SLC8A1: variants seen among roughly 807,000 people sequenced by gnomAD.
The protein encoded by SLC8A1 is solute carrier family 8 member A1, also known as sodium/calcium exchanger 1.
A neutral mutation model predicts 68.3 loss-of-function variants in SLC8A1; 18 were observed. That is an observed-to-expected ratio of 0.26 (90% CI 0.18 to 0.39). SLC8A1 has a LOEUF of 0.39. Among genes scored for constraint, SLC8A1 ranks in the 10% least tolerant of loss-of-function variants. SLC8A1 has a pLI of 1.00. For synonymous variants in SLC8A1, 475 were observed against 415.5 expected (o/e 1.14, Z -1.74); for missense variants, 985 against 1,156.7 (o/e 0.85, Z 2.15).
chr2:40,464,554 T>G (rs1048694011), intron 1 of SLC8A1, among the ~76,000 whole-genome samples: 1 of 152,234 alleles, frequency 6.6e-6, no homozygotes, highest in Non-Finnish European at 1.5e-5. Flanking sequence ...GGCATCTGTT[T>G]CCCAATCTTA....
chr2:40,146,364 A>T (rs2042460998), intron 6 of SLC8A1, among the ~76,000 whole-genome samples: 1 of 152,042 alleles, frequency 6.6e-6, no homozygotes, highest in African/African-American at 2.4e-5. Flanking sequence ...TAATCTCACA[A>T]TCCAGGTTTA....
At chr2:40,507,061 T>C (rs1706415578) in intron 1 of SLC8A1, among the ~76,000 whole-genome samples, 1 of 152,040 alleles carries the variant, frequency 6.6e-6, no homozygotes, top group Non-Finnish European at 1.5e-5. Flanking sequence ...AAAGGTCATA[T>C]GCTCATAAGC....
chr2:40,469,108 G>A (rs1281010022), intron 1 of SLC8A1, among the ~76,000 whole-genome samples: 1 of 152,106 alleles, frequency 6.6e-6, no homozygotes, highest in East Asian at 1.9e-4. Flanking sequence ...CATTAACAGT[G>A]TGTGTGCAGT....
intron 2 of SLC8A1, among the ~76,000 whole-genome samples, chr2:40,365,151 T>C (rs1035515598): frequency 6.6e-6 from 1 of 152,038 alleles, no homozygotes; most frequent in Non-Finnish European, 1.5e-5. Flanking sequence ...TTTACCTTAT[T>C]TGAACCTCTG....
chr2:40,243,747 A>G (rs571998415), intron 2 of SLC8A1, among the ~76,000 whole-genome samples: 6 of 152,288 alleles, frequency 3.9e-5, no homozygotes, highest in South Asian at 2.1e-4. Flanking sequence ...ATACATTCAC[A>G]GTGGGAAGGC....
At chr2:40,390,388 T>C (rs928707971) in intron 2 of SLC8A1, among the ~76,000 whole-genome samples, 1 of 152,102 alleles carries the variant, frequency 6.6e-6, no homozygotes, top group African/African-American at 2.4e-5. Context: ...CTGTGGCAAT[T>C]TCTCACCTGC....
At position 40,245,212 on chromosome 2, in the gene SLC8A1, C is replaced by A. The variant is rs149043015; in HGVS notation, c.1809-67357G>T. Among the ~76,000 whole-genome samples, 653 of 115,542 alleles carry A rather than the reference C, an allele frequency of 5.7e-3. 6 individuals carry two copies. Among genetic ancestry groups the A allele is most frequent in the African/African-American group, 0.023 (628 of 27,084 alleles). 75.8% of individuals were successfully genotyped at this position (115,542 alleles called of 152,430 possible). The stretch of plus-strand genomic sequence containing the variant: ...TGGCACATAGGAGAAACTTGGGATT[C>A]TGTGATTTGTGCTGTTCATGTACAG... On this transcript the variant is annotated intron_variant, in intron 2 of 7. Coordinates refer to ENST00000406785, the Ensembl canonical transcript of SLC8A1.
At chr2:40,338,314 A>G (rs1338475731) in intron 2 of SLC8A1, among the ~76,000 whole-genome samples, 1 of 152,176 alleles carries the variant, frequency 6.6e-6, no homozygotes, top group Non-Finnish European at 1.5e-5. Context: ...CTAATCTGTA[A>G]ACAAAAACAA....
chr2:40,473,755 C>T (rs1704126206), intron 1 of SLC8A1, among the ~76,000 whole-genome samples: 1 of 152,008 alleles, frequency 6.6e-6, no homozygotes, highest in African/African-American at 2.4e-5. Context: ...ATATTTTTTT[C>T]TGATAGAAAT....
chr2:40,447,055 T>A (rs142162838), intron 1 of SLC8A1, among the ~76,000 whole-genome samples: 11 of 152,320 alleles, frequency 7.2e-5, no homozygotes, highest in African/African-American at 2.6e-4. Context: ...TACCATGCAA[T>A]GATATCAACA....
At chr2:40,415,696 A>G (rs1159964880) in intron 2 of SLC8A1, among the ~76,000 whole-genome samples, 4 of 152,004 alleles carry the variant, frequency 2.6e-5, no homozygotes, top group Admixed American at 1.3e-4. Flanking sequence ...TCCAAAGAAA[A>G]GCAATCTCAA....
intron 2 of SLC8A1, among the ~76,000 whole-genome samples, chr2:40,259,197 T>C (rs766975547): frequency 1.3e-5 from 2 of 152,178 alleles, no homozygotes; most frequent in Admixed American, 6.5e-5. Flanking sequence ...AGAAATTCTG[T>C]CTGTGATATT....
intron 2 of SLC8A1, among the ~76,000 whole-genome samples, chr2:40,234,506 C>T (rs1049570554): frequency 3.9e-5 from 6 of 152,048 alleles, no homozygotes; most frequent in African/African-American, 9.7e-5. Context: ...TGGGCTGAGA[C>T]AATGGGGTTT....
intron 2 of SLC8A1, among the ~76,000 whole-genome samples, chr2:40,345,525 CCA>C (rs1370344046): frequency 6.6e-6 from 1 of 151,760 alleles, no homozygotes; most frequent in African/African-American, 2.4e-5. Flanking sequence ...ATGGACAGGG[CCA>C]CTGATTTATT....
chr2:40,420,103 G>T (rs1388063686), intron 2 of SLC8A1, among the ~76,000 whole-genome samples: 1 of 152,090 alleles, frequency 6.6e-6, no homozygotes, highest in Non-Finnish European at 1.5e-5. Flanking sequence ...AAATAAGAAT[G>T]ACTTGGAATT....
chr2:40,391,190 T>TTACACACACACGTATATATA (rs1553562236), intron 2 of SLC8A1, among the ~76,000 whole-genome samples: 65,029 of 149,024 alleles, frequency 0.44, 18,256 homozygotes, highest in African/African-American at 0.81. Context: ...TGTATATATA[T>TTACACACACACGTATATATA]TACACACACA....
intron 2 of SLC8A1, among the ~76,000 whole-genome samples, chr2:40,404,430 C>A (rs1333478022): frequency 2.0e-5 from 3 of 152,028 alleles, no homozygotes; most frequent in African/African-American, 2.4e-5. Context: ...ACATTTTTTG[C>A]AATAGATATG....
At chr2:40,504,980 C>T (rs1448149659) in intron 1 of SLC8A1, among the ~76,000 whole-genome samples, 2 of 151,888 alleles carry the variant, frequency 1.3e-5, no homozygotes, top group African/African-American at 4.8e-5. Context: ...AAAAGGATAT[C>T]AATATATGGA....
chr2:40,511,921 C>T (rs1289693176), intron 1 of SLC8A1, among the ~76,000 whole-genome samples: 1 of 152,142 alleles, frequency 6.6e-6, no homozygotes, highest in Non-Finnish European at 1.5e-5. Flanking sequence ...AAGAACTAGT[C>T]ACACATGCGA....
Sources: allele counts gnomAD v4.1 joint callset (sites outside exome capture counted in the v4.1 genomes callset), GRCh38; gene constraint gnomAD v4.1.1; transcripts MANE v1.5; gene names NCBI Gene and HGNC (gene_info 2026-07-23, HGNC 2026-07-21).